The following MAP7 variants were observed in gnomAD, a reference collection of about 807,000 sequenced individuals.
The protein encoded by MAP7 is microtubule associated protein 7.
Under a neutral mutation model 94.8 loss-of-function variants are expected in MAP7, and 52 were observed. That is an observed-to-expected ratio of 0.55 (90% confidence interval 0.44 to 0.69). The LOEUF is 0.69. MAP7 is among the 30% of genes least tolerant of loss of function. The pLI is 0.00. For synonymous variants in MAP7, 350 were observed against 357.0 expected, an observed-to-expected ratio of 0.98 and a Z score of 0.22; for missense variants, 940 against 964.6, an observed-to-expected ratio of 0.97 and a Z score of 0.34.
In MAP7 at chr6:136,389,261, T is replaced by C. The variant is rs139338786; in HGVS notation, c.408+93A>G. ...TGATCACTCTGAAACCATTTTGCTT[T>C]GCACCCTGCACCTGACTGCAAAGTT... On this transcript the variant is annotated intron_variant, in intron 4 of 17. Transcript: ENST00000354570. The C allele has an allele frequency of 9.2e-4, 1,365 of 1,483,014 alleles. 14 individuals are homozygous for C. The African/African-American group carries it at 0.018, about 19-fold the overall frequency. 91.9% of individuals were successfully genotyped at this position (1,483,014 alleles called of 1,614,324 possible).
At chr6:136,361,844 G>A (rs891393023) in intron 11 of MAP7, among the ~76,000 whole-genome samples, 1 of 152,118 alleles carries the variant, frequency 6.6e-6, no homozygotes, top group Non-Finnish European at 1.5e-5. Context: ...GAGAAAACAT[G>A]AACCCTTATT....
intron 1 of MAP7, chr6:136,476,087 C>A (rs1345271366): frequency 1.3e-5 from 2 of 152,208 alleles, no homozygotes; most frequent in African/African-American, 4.8e-5. Flanking sequence ...GGCAATTCAG[C>A]ATGGATTGTC....
At chr6:136,507,352 G>A (rs1044802874) in intron 1 of MAP7, among the ~76,000 whole-genome samples, 6 of 151,664 alleles carry the variant, frequency 4.0e-5, no homozygotes, top group African/African-American at 1.2e-4. Flanking sequence ...GGACGGGAAG[G>A]GGGGTAGTAA....
rs528362584 is a variant in MAP7, at chr6:136,545,485, T to C, written c.67+4857A>G. 5 of 152,350 alleles carry C rather than the reference T, an allele frequency of 3.3e-5. 1 individual carries two copies. Among genetic ancestry groups the C allele is most frequent in the South Asian group, 2.1e-4 (1 of 4,828 alleles). The allele number at this position is 152,350 out of a possible 1,614,324, so 9.4% of individuals were successfully genotyped here. A position where few individuals can be genotyped will look rare whatever the true frequency, so the allele number is the denominator to read the frequency against. On this transcript the variant is annotated intron_variant, in intron 1 of 17. Coordinates refer to ENST00000354570, the MANE Select transcript of MAP7 (RefSeq NM_003980.6). Reference sequence around the variant, plus strand: ...TTCCTGCTTTAATCAATATCCTTTATTCTCAAGAATCCTCAACACTTCCCC... The same window carrying C: ...TTCCTGCTTTAATCAATATCCTTTACTCTCAAGAATCCTCAACACTTCCCC...
intron 1 of MAP7, chr6:136,525,769 A>G: frequency 1.3e-6 from 2 of 1,485,796 alleles, no homozygotes; most frequent in Non-Finnish European, 1.8e-6. Context: ...AAAACGTTCT[A>G]TAGGCAGTGT....
chr6:136,393,115 C>T (rs967162442), intron 3 of MAP7, among the ~76,000 whole-genome samples: 2 of 152,090 alleles, frequency 1.3e-5, no homozygotes, highest in Admixed American at 6.5e-5. Context: ...AATTTAAACT[C>T]CTCTGATTTG....
At chr6:136,405,775 G>A (rs1165554228) in intron 3 of MAP7, among the ~76,000 whole-genome samples, 1 of 152,188 alleles carries the variant, frequency 6.6e-6, no homozygotes, top group Non-Finnish European at 1.5e-5. Context: ...GGCCAAGGTG[G>A]CAGCAGTGGT....
At chr6:136,411,427 A>T (rs1195783494) in intron 3 of MAP7, among the ~76,000 whole-genome samples, 193 bp downstream of exon 3, 3 of 152,326 alleles carry the variant, frequency 2.0e-5, no homozygotes, top group African/African-American at 7.2e-5. Flanking sequence ...CTGTGACTGC[A>T]AAAAAGGATG....
intron 1 of MAP7, among the ~76,000 whole-genome samples, chr6:136,462,275 AGGATTGG>A (rs1805497764): frequency 1.3e-5 from 2 of 152,182 alleles, no homozygotes; most frequent in African/African-American, 4.8e-5. Context: ...GCTATGAGAA[AGGATTGG>A]GGGCTTTTAA....
At chr6:136,421,258 T>A (rs1260735760) in intron 2 of MAP7, among the ~76,000 whole-genome samples, 1 of 152,216 alleles carries the variant, frequency 6.6e-6, no homozygotes, top group African/African-American at 2.4e-5. Flanking sequence ...GTGTAAAGAT[T>A]TCTTGAAATA....
At chr6:136,441,866 G>A (rs1168728062) in intron 1 of MAP7, among the ~76,000 whole-genome samples, 1 of 152,108 alleles carries the variant, frequency 6.6e-6, no homozygotes, top group Non-Finnish European at 1.5e-5. Flanking sequence ...AATAAAATTA[G>A]TTGGGCATGG....
chr6:136,491,605 A>T (rs947336841), intron 1 of MAP7, among the ~76,000 whole-genome samples: 8 of 152,220 alleles, frequency 5.3e-5, no homozygotes, highest in African/African-American at 1.7e-4. Flanking sequence ...GAAGAATAAA[A>T]CATAATAAAA....
At chr6:136,534,073 T>C (rs1828690581) in intron 1 of MAP7, among the ~76,000 whole-genome samples, 1 of 152,224 alleles carries the variant, frequency 6.6e-6, no homozygotes, top group Admixed American at 6.5e-5. Context: ...TAAAGCGATT[T>C]GTATGATTCT....
At chr6:136,403,991 C>T (rs1784886868) in intron 3 of MAP7, among the ~76,000 whole-genome samples, 1 of 152,166 alleles carries the variant, frequency 6.6e-6, no homozygotes, top group African/African-American at 2.4e-5. Context: ...AACAGATATG[C>T]CGAAGTTTAT....
At chr6:136,488,998 G>A (rs1815654777) in intron 1 of MAP7, among the ~76,000 whole-genome samples, 1 of 152,014 alleles carries the variant, frequency 6.6e-6, no homozygotes. Flanking sequence ...AAATTCCTGA[G>A]CTCAAGCAAT....
At chr6:136,533,649 A>G (rs1205568648) in intron 1 of MAP7, among the ~76,000 whole-genome samples, 1 of 152,170 alleles carries the variant, frequency 6.6e-6, no homozygotes, top group African/African-American at 2.4e-5. Context: ...CAGTGCTGGT[A>G]TTTGCTTCTG....
chr6:136,355,811 C>A (rs1214900100), intron 16 of MAP7, among the ~76,000 whole-genome samples: 4 of 152,158 alleles, frequency 2.6e-5, no homozygotes, highest in African/African-American at 9.7e-5. Flanking sequence ...AATATTTCTG[C>A]AAGTTCTCTA....
chr6:136,381,336 G>A (rs770096816), intron 6 of MAP7, among the ~76,000 whole-genome samples: 2 of 151,732 alleles, frequency 1.3e-5, no homozygotes, highest in African/African-American at 2.4e-5. Context: ...ACACCATCAC[G>A]CTTGGCTAAT....
At chr6:136,474,011 G>C (rs534385072) in intron 1 of MAP7, among the ~76,000 whole-genome samples, 1 of 152,092 alleles carries the variant, frequency 6.6e-6, no homozygotes, top group African/African-American at 2.4e-5. Flanking sequence ...GGTGGTCAGG[G>C]AGGGCCTCTC....
Sources: allele counts gnomAD v4.1 joint callset (sites outside exome capture counted in the v4.1 genomes callset), GRCh38; gene constraint gnomAD v4.1.1; transcripts MANE v1.5; gene names NCBI Gene and HGNC (gene_info 2026-07-23, HGNC 2026-07-21).